GABBR2: variants seen among roughly 807,000 people sequenced by gnomAD.
GABBR2 encodes gamma-aminobutyric acid type B receptor subunit 2.
A neutral mutation model predicts 105.6 loss-of-function variants in GABBR2; 23 were observed. The observed-to-expected ratio is 0.22, with a 90% CI of 0.16 to 0.31. The LOEUF (loss-of-function observed/expected upper bound fraction) is 0.31. Ranked by LOEUF, GABBR2 falls within the 10% of genes least tolerant of loss-of-function variation. The probability of loss-of-function intolerance (pLI) is 1.00; values close to 1 mark genes in which losing one functional copy is unlikely to be tolerated. For missense variants in GABBR2, 734 were observed against 1,245.5 expected (o/e 0.59, Z 6.18); for synonymous variants, 478 against 499.7 (o/e 0.96, Z 0.58).
intron 2 of GABBR2, among the ~76,000 whole-genome samples, chr9:98,560,055 C>T (rs886960302): frequency 7.9e-5 from 12 of 151,350 alleles, no homozygotes; most frequent in African/African-American, 2.7e-4. Context: ...AAATTAAAAA[C>T]TAATAACAAT....
chr9:98,517,223 C>A (rs954721819), intron 3 of GABBR2, among the ~76,000 whole-genome samples: 1 of 152,208 alleles, frequency 6.6e-6, no homozygotes, highest in Non-Finnish European at 1.5e-5. Context: ...GAAGGGCCAT[C>A]CTAGCTCCAT....
intron 1 of GABBR2, among the ~76,000 whole-genome samples, chr9:98,604,865 G>A (rs544030097): frequency 4.9e-4 from 74 of 152,252 alleles, no homozygotes; most frequent in African/African-American, 1.5e-3. Context: ...AGTTGTTTGC[G>A]GGGCTGGTAC....
chr9:98,655,851 A>G (rs533960461), intron 1 of GABBR2, among the ~76,000 whole-genome samples: 16 of 152,280 alleles, frequency 1.1e-4, no homozygotes, highest in African/African-American at 3.9e-4. Flanking sequence ...GGGGGGCTAC[A>G]GGAGGGATAG....
chr9:98,526,414 C>T (rs1259263226), intron 3 of GABBR2, among the ~76,000 whole-genome samples: 3 of 152,128 alleles, frequency 2.0e-5, no homozygotes, highest in African/African-American at 7.2e-5. Flanking sequence ...GAACCCTCTT[C>T]TCTCAGGTCT....
At chr9:98,506,404 T>A (rs1827511796) in intron 3 of GABBR2, among the ~76,000 whole-genome samples, 1 of 152,210 alleles carries the variant, frequency 6.6e-6, no homozygotes, top group Non-Finnish European at 1.5e-5. Flanking sequence ...GATGAGTGCA[T>A]GCTGAGGCTG....
At chr9:98,308,102 T>C (rs1179724455) in intron 14 of GABBR2, among the ~76,000 whole-genome samples, 1 of 152,120 alleles carries the variant, frequency 6.6e-6, no homozygotes, top group Non-Finnish European at 1.5e-5. Flanking sequence ...GGCATGGTGG[T>C]GCATGCCTGT....
At chr9:98,469,530 C>G (rs1012631937) in intron 6 of GABBR2, among the ~76,000 whole-genome samples, 1 of 152,212 alleles carries the variant, frequency 6.6e-6, no homozygotes, top group East Asian at 1.9e-4. Flanking sequence ...CTCCATGCCT[C>G]TCTCCTAAAC....
chr9:98,612,867 G>C (rs1487567379), intron 1 of GABBR2, among the ~76,000 whole-genome samples: 1 of 152,172 alleles, frequency 6.6e-6, no homozygotes, highest in African/African-American at 2.4e-5. Flanking sequence ...GCGGGGGCCA[G>C]AGCCACAATC....
chr9:98,492,349 T>TAAAAAAAAAAAAAAAAAAAA (rs574771107), intron 4 of GABBR2, among the ~76,000 whole-genome samples: 481 of 29,186 alleles, frequency 0.016, 70 homozygotes, highest in Middle Eastern at 0.036. Flanking sequence ...TGTTTCCTAG[T>TAAAAAAAAAAAAAAAAAAAA]AAAAAAAAAA....
chr9:98,568,931 C>T (rs1474685736), intron 2 of GABBR2, among the ~76,000 whole-genome samples: 1 of 152,158 alleles, frequency 6.6e-6, no homozygotes, highest in Non-Finnish European at 1.5e-5. Flanking sequence ...CCAAAGTCCC[C>T]AGGTCCTTGG....
At chr9:98,523,188 TAGA>T (rs1827898668) in intron 3 of GABBR2, among the ~76,000 whole-genome samples, 2 of 152,066 alleles carry the variant, frequency 1.3e-5, no homozygotes, top group African/African-American at 2.4e-5. Context: ...ATTAAGAAAT[TAGA>T]AGAAGAATGG....
At chr9:98,508,131 A>AG (rs1827551011) in intron 3 of GABBR2, among the ~76,000 whole-genome samples, 1 of 152,250 alleles carries the variant, frequency 6.6e-6, no homozygotes, top group South Asian at 2.1e-4. Flanking sequence ...TAAAACAGGG[A>AG]GGCTATATAG....
intron 1 of GABBR2, among the ~76,000 whole-genome samples, chr9:98,590,938 G>A (rs1023020722): frequency 1.3e-5 from 2 of 152,268 alleles, no homozygotes; most frequent in Middle Eastern, 3.4e-3. Context: ...TCCCATAAAC[G>A]CACCCTGGGT....
intron 1 of GABBR2, among the ~76,000 whole-genome samples, chr9:98,644,568 G>C (rs553742497): frequency 6.6e-6 from 1 of 152,160 alleles, no homozygotes; most frequent in East Asian, 1.9e-4. Flanking sequence ...TGGGCTGGGC[G>C]TGGTGGCTCA....
At chr9:98,440,510 T>G (rs1826012748) in intron 7 of GABBR2, among the ~76,000 whole-genome samples, 1 of 152,062 alleles carries the variant, frequency 6.6e-6, no homozygotes, top group Admixed American at 6.5e-5. Context: ...AGTCCCCCAC[T>G]TCCCCCCTTC....
rs1383922846 is a variant in GABBR2 at position 98,477,234 on chromosome 9, T to A, written c.798+3698A>T. Among the ~76,000 whole-genome samples the A allele has an allele frequency of 9.8e-5, 15 of 152,300 alleles. No homozygotes were observed. In the East Asian group the frequency reaches 2.7e-3, roughly 27 times the overall value. On this transcript the variant is annotated intron_variant, in intron 5 of 18. Transcript: ENST00000259455. Reference sequence around the variant, plus strand: ...TGCATTTCTAATTTACTTGGTCACCTTGATTTTTGTTTTCTTTTTTCTTGA... The same window carrying A: ...TGCATTTCTAATTTACTTGGTCACCATGATTTTTGTTTTCTTTTTTCTTGA...
rs964876049 is a variant in GABBR2 at position 98,314,674 on chromosome 9, C to T, written c.1894-3469G>A. 7.2e-5 allele frequency among the ~76,000 whole-genome samples: 11 copies of T among 152,280 alleles called. No homozygotes were observed. In the East Asian group the frequency reaches 7.7e-4, roughly 11 times the overall value. The stretch of plus-strand genomic sequence containing the variant: ...CTTCTCCTCCTGGACCTCCACTCAC[C>T]GGGGCTCATCTCTCCCCTGGGGTTC... On this transcript the variant is annotated intron_variant, in intron 13 of 18. Transcript: ENST00000259455.
At position 98,708,853 on chromosome 9, in the gene GABBR2, G is replaced by A; in HGVS notation, c.-116C>T. On this transcript the variant is annotated 5_prime_UTR_variant, in exon 1 of 19. Coordinates refer to ENST00000259455, the MANE Select transcript of GABBR2 (RefSeq NM_005458.8). ...GCGCAATGGCGCCGGCCCGGGCCCC[G>A]GCTCCGTCTCGGGCTAGGGTTCCGG... 1 of 563,566 alleles carries A rather than the reference G, an allele frequency of 1.8e-6. No individual in the cohort carries two copies. Among genetic ancestry groups the A allele is most frequent in the Non-Finnish European group, 2.2e-6 (1 of 445,482 alleles). 34.9% of individuals were successfully genotyped at this position (563,566 alleles called of 1,614,324 possible). A position where few individuals can be genotyped will look rare whatever the true frequency, so the allele number is the denominator to read the frequency against.
At chr9:98,577,304 C>A (rs557070902) in intron 2 of GABBR2, among the ~76,000 whole-genome samples, 108 of 110,732 alleles carry the variant, frequency 9.8e-4, no homozygotes, top group Non-Finnish European at 1.5e-3. Flanking sequence ...CTTTCCCATC[C>A]CAAATAACAG....
Sources: allele counts gnomAD v4.1 joint callset (sites outside exome capture counted in the v4.1 genomes callset), GRCh38; gene constraint gnomAD v4.1.1; transcripts MANE v1.5; gene names NCBI Gene and HGNC (gene_info 2026-07-23, HGNC 2026-07-21).